FKBP5: variants seen among roughly 807,000 people sequenced by gnomAD.
FKBP5 encodes FKBP prolyl isomerase 5.
In FKBP5, 23 loss-of-function variants were observed where a neutral mutation model predicts 50.5. That is an observed-to-expected ratio of 0.46 (90% confidence interval 0.33 to 0.65). FKBP5 has a LOEUF of 0.65. FKBP5 is among the 30% of genes least tolerant of loss of function. The probability of loss-of-function intolerance (pLI) is 0.02; values close to 1 mark genes in which losing one functional copy is unlikely to be tolerated. For missense variants in FKBP5, 411 were observed against 553.1 expected (o/e 0.74, Z 2.58); for synonymous variants, 176 against 190.6 (o/e 0.92, Z 0.63).
At chr6:35,664,753 C>T (rs1765168390) in intron 1 of FKBP5, 1 of 154,112 alleles carries the variant, frequency 6.5e-6, no homozygotes, top group African/African-American at 2.4e-5. Flanking sequence ...TAGTATAACT[C>T]CCAAATCCTA....
chr6:35,678,981 G>A (rs1269938791), intron 1 of FKBP5, among the ~76,000 whole-genome samples: 1 of 152,200 alleles, frequency 6.6e-6, no homozygotes, highest in Non-Finnish European at 1.5e-5. Flanking sequence ...TACTGTGGAG[G>A]CTGAGGTGGG....
Position 35,619,078 on chromosome 6 carries a change from T to A in FKBP5, c.508+18A>T. 1 of 1,549,680 alleles carries A rather than the reference T, an allele frequency of 6.5e-7. No homozygotes were observed. The highest frequency in any genetic ancestry group is 8.9e-7 in the Non-Finnish European group (1 of 1,123,248). ...GCCCAACTTTTAAGGACTAGTTCCC[T>A]CTTACTTTAATACTTACTTTCTACT... On this transcript the variant is annotated intron_variant, in intron 5 of 10. Transcript: ENST00000357266.
At chr6:35,602,721 C>T (rs1763182653) in intron 5 of FKBP5, among the ~76,000 whole-genome samples, 1 of 152,098 alleles carries the variant, frequency 6.6e-6, no homozygotes, top group Non-Finnish European at 1.5e-5. Flanking sequence ...CTCCTCTGCA[C>T]TGTTTTGTAC....
intron 5 of FKBP5, among the ~76,000 whole-genome samples, chr6:35,615,259 C>G (rs1763615811): frequency 6.6e-6 from 1 of 152,006 alleles, no homozygotes; most frequent in African/African-American, 2.4e-5. Context: ...ATCTCTCTGT[C>G]TGCTAAGTGG....
intron 10 of FKBP5, 118 bp from the exon 11 acceptor site, chr6:35,576,060 A>T (rs961682550): frequency 2.6e-6 from 2 of 765,956 alleles, no homozygotes; most frequent in African/African-American, 3.4e-5. Context: ...TTTCTCTAGG[A>T]TATCTAGCTG....
chr6:35,713,952 C>T (rs907283010), intron 2 of FKBP5, among the ~76,000 whole-genome samples: 5 of 152,134 alleles, frequency 3.3e-5, no homozygotes, highest in African/African-American at 1.2e-4. Flanking sequence ...AAATCCCTCA[C>T]AGACATCCCT....
Position 35,580,106 on chromosome 6 carries a change from G to C in FKBP5, c.956C>G (p.Ala319Gly). The change falls in exon 9 of 11, where the codon GCC (alanine) becomes GGC (glycine). Residue 319 changes from alanine (A) to glycine (G), a missense_variant. Around this residue, in one of 3 missense-constraint regions of FKBP5, gnomAD observed 267 missense variants for 405.9 expected, o/e 0.66. Coordinates refer to ENST00000357266, the MANE Select transcript of FKBP5 (RefSeq NM_004117.4). The part of the protein sequence containing the change: ...SKASESFLLA[A>G]FLNLAMCYLK... ...GTAGCACATGGCCAGGTTCAGAAAG[G>C]CAGCAAGGAGAAATGATTCAGAAGC... The C allele has an allele frequency of 1.2e-6, 2 of 1,614,086 alleles. No individual in the cohort carries two copies. The highest frequency in any genetic ancestry group is 1.7e-6 in the Non-Finnish European group (2 of 1,179,956).
At chr6:35,577,366 T>C (rs1762253397) in intron 9 of FKBP5, 133 bp from the exon 10 acceptor site, 1 of 706,836 alleles carries the variant, frequency 1.4e-6, no homozygotes, top group East Asian at 2.7e-5. Context: ...AATTACATAC[T>C]ACTGATCAAA....
At position 35,711,554 on chromosome 6, in the gene FKBP5, G is replaced by C. The variant is rs555853862; in HGVS notation, c.-20+8774C>G. Among the ~76,000 whole-genome samples the C allele has an allele frequency of 2.6e-5, 4 of 152,100 alleles. No homozygotes were observed. The East Asian group carries it at 7.7e-4, about 29-fold the overall frequency. On this transcript the variant is annotated intron_variant, in intron 2 of 11. Transcript: ENST00000536438. ...AATTGCTCGAACCCGGGAGGTGAAG[G>C]CTACAGTGAGCTGAGGCCGTGCCAC... is the stretch of plus-strand genomic sequence containing the variant.
chr6:35,580,979 C>T, intron 8 of FKBP5: 2 of 985,228 alleles, frequency 2.0e-6, no homozygotes, highest in Non-Finnish European at 2.4e-6. Context: ...CACAGCCAAT[C>T]CTATTTGAAC....
chr6:35,629,184 A>AG (rs1001136338), intron 3 of FKBP5, among the ~76,000 whole-genome samples: 23 of 152,250 alleles, frequency 1.5e-4, no homozygotes, highest in African/African-American at 4.6e-4. Flanking sequence ...AGCTCACTGC[A>AG]GCCTGGACCT....
At chr6:35,690,409 G>C (rs926496139), upstream of FKBP5, among the ~76,000 whole-genome samples, 4 of 151,726 alleles carry the variant, frequency 2.6e-5, no homozygotes, top group Admixed American at 1.3e-4. Flanking sequence ...AGGTTGCAGT[G>C]AGCCGAGATC....
At chr6:35,669,534 C>T (rs895444438) in intron 1 of FKBP5, among the ~76,000 whole-genome samples, 1 of 152,080 alleles carries the variant, frequency 6.6e-6, no homozygotes, top group Non-Finnish European at 1.5e-5. Flanking sequence ...CAATACATTT[C>T]CTGAACTTTT....
intron 8 of FKBP5, chr6:35,584,343 G>A (rs777522684): frequency 3.6e-5 from 35 of 985,420 alleles, no homozygotes; most frequent in Non-Finnish European, 4.2e-5. Context: ...CAGGAGAGAG[G>A]CTTTACCCAT....
chr6:35,718,244 C>T lies in FKBP5; in HGVS notation c.-20+2084G>A, dbSNP rs529429404. ...AACAACTCGAGCAAAGGCACAGAGGCGGGAAAATGCAGGGTGTGCTCGCGA... is the reference window on the plus strand; with the variant it reads ...AACAACTCGAGCAAAGGCACAGAGGTGGGAAAATGCAGGGTGTGCTCGCGA... On this transcript the variant is annotated intron_variant, in intron 2 of 11. Coordinates refer to the FKBP5 transcript ENST00000536438. Among the ~76,000 whole-genome samples the T allele has an allele frequency of 9.2e-5, 14 of 152,276 alleles. No homozygotes were observed. In the East Asian group the frequency reaches 2.7e-3, roughly 29 times the overall value.
At chr6:35,681,025 A>G (rs560180408) in intron 1 of FKBP5, among the ~76,000 whole-genome samples, 1 of 152,338 alleles carries the variant, frequency 6.6e-6, no homozygotes, top group Non-Finnish European at 1.5e-5. Context: ...AAGCAGTATA[A>G]ATACATATAC....
intron 2 of FKBP5, among the ~76,000 whole-genome samples, chr6:35,697,685 G>C (rs1051933234): frequency 1.3e-5 from 2 of 152,128 alleles, no homozygotes; most frequent in African/African-American, 4.8e-5. Flanking sequence ...TCCAGAACAG[G>C]GAAGACAGGT....
At chr6:35,629,830 CA>C (rs540655948) in intron 3 of FKBP5, among the ~76,000 whole-genome samples, 14 of 152,168 alleles carry the variant, frequency 9.2e-5, no homozygotes, top group Non-Finnish European at 1.6e-4. Flanking sequence ...CAGGAAAAAC[CA>C]AAGTAAGTAC....
chr6:35,655,793 A>T (rs1416987125), intron 1 of FKBP5, among the ~76,000 whole-genome samples: 1 of 152,266 alleles, frequency 6.6e-6, no homozygotes, highest in African/African-American at 2.4e-5. Flanking sequence ...GTTTAACTAT[A>T]AAAGTAAAAA....
Sources: allele counts gnomAD v4.1 joint callset (sites outside exome capture counted in the v4.1 genomes callset), GRCh38; gene constraint gnomAD v4.1.1; regional missense constraint gnomAD v4.1.1; transcripts MANE v1.5; gene names NCBI Gene and HGNC (gene_info 2026-07-23, HGNC 2026-07-21).